SERPINA4: variants seen among roughly 807,000 people sequenced by gnomAD.
The protein encoded by SERPINA4 is serpin family A member 4, also known as kallistatin.
Under a neutral mutation model 25.4 loss-of-function variants are expected in SERPINA4, and 24 were observed. That is an observed-to-expected ratio of 0.95 (90% confidence interval 0.69 to 1.33). The LOEUF is 1.33. Ranked by LOEUF, SERPINA4 falls within the 40% of genes most tolerant of loss-of-function variation. SERPINA4 has a pLI of 0.00. For synonymous variants in SERPINA4, 242 were observed against 223.6 expected (o/e 1.08, Z -0.73); for missense variants, 553 against 535.8 (o/e 1.03, Z -0.32).
intron 4 of SERPINA4, 123 bp from the exon 5 acceptor site, chr14:94,569,272 C>A: frequency 1.2e-6 from 1 of 860,222 alleles, no homozygotes; most frequent in Non-Finnish European, 1.8e-6. Context: ...GTGTTATCCC[C>A]AAGAAATGGC....
chr14:94,565,356 A>G (rs924176547), intron 2 of SERPINA4, among the ~76,000 whole-genome samples: 12 of 152,180 alleles, frequency 7.9e-5, no homozygotes, highest in Non-Finnish European at 1.5e-5. Flanking sequence ...GAGTCTGACC[A>G]TCATCATATC....
chr14:94,568,368 A>C (rs1902287527), intron 4 of SERPINA4, 80 bp downstream of exon 4: 1 of 1,463,362 alleles, frequency 6.8e-7, no homozygotes. Context: ...TGGGGCTCCC[A>C]AGCTGCCACA....
intron 2 of SERPINA4, 67 bp from the exon 3 acceptor site, chr14:94,566,903 T>A: frequency 6.5e-7 from 1 of 1,532,620 alleles, no homozygotes; most frequent in Non-Finnish European, 8.8e-7. Context: ...CAGATGGCAT[T>A]CCCTGGCTGG....
At position 94,569,463 on chromosome 14, in the gene SERPINA4, G is replaced by A. The variant is rs769083861; in HGVS notation, c.1152G>A (p.Ala384=). 29 of 1,614,054 alleles carry A rather than the reference G, an allele frequency of 1.8e-5. No individual in the cohort carries two copies. Among genetic ancestry groups the A allele is most frequent in the African/African-American group, 2.7e-5 (2 of 74,918 alleles). ...GTEAAAATSF[A]IKFFSAQTNR... ...AGGCTGCAGCAGCCACCAGCTTCGC[G>A]ATCAAATTCTTCTCTGCCCAGACCA... The change falls in exon 5 of 5, where the codon GCG becomes GCA. Residue 384 remains alanine, a synonymous_variant. Transcript: ENST00000557004.
intron 1 of SERPINA4, chr14:94,561,840 G>A: frequency 7.8e-7 from 1 of 1,289,788 alleles, no homozygotes; most frequent in Non-Finnish European, 1.0e-6. Flanking sequence ...CCGGAGGGGA[G>A]GTGTGTCTGT....
chr14:94,562,890 G>C (rs902234033), intron 1 of SERPINA4, among the ~76,000 whole-genome samples: 4 of 152,134 alleles, frequency 2.6e-5, no homozygotes, highest in African/African-American at 9.7e-5. Flanking sequence ...ACAATACAAA[G>C]ACCAGTTCTA....
At position 94,563,581 on chromosome 14, in the gene SERPINA4, C is replaced by G. The variant is rs560979166; in HGVS notation, c.99C>G (p.Asn33Lys). 2.5e-6 allele frequency: 4 copies of G among 1,614,044 alleles called. No homozygotes were observed. In the African/African-American group the frequency reaches 5.3e-5, roughly 22 times the overall value. Residue 33 changes from asparagine (N) to lysine (K), a missense_variant, in exon 2 of 5, where the codon AAC becomes AAG. Physicochemically the swap from Asn to Lys is moderately conservative, Grantham distance 94 (BLOSUM62 0). Coordinates refer to ENST00000557004, the MANE Select transcript of SERPINA4 (RefSeq NM_006215.4). ...HVEHDGESCS[N>K]SSHQQILETG... Reference sequence around the variant, plus strand: ...AGCATGATGGTGAGAGTTGCAGTAACAGCTCCCACCAGCAGATTCTGGAGA... The same window carrying G: ...AGCATGATGGTGAGAGTTGCAGTAAGAGCTCCCACCAGCAGATTCTGGAGA...
rs929549664 is a variant in SERPINA4 at position 94,569,565 on chromosome 14, G to A, written c.1254G>A (p.Leu418=). The change falls in exon 5 of 5, where the codon CTG becomes CTA. Residue 418 remains leucine, a synonymous_variant. Transcript: ENST00000557004. ...CCAGCACCCAGAGTGTCCTCTTTCT[G>A]GGCAAGGTCGTCGACCCCACGAAAC... The part of the protein sequence containing the change: ...FSTSTQSVLF[L]GKVVDPTKP 2 of 1,614,024 alleles carry A rather than the reference G, an allele frequency of 1.2e-6. No individual in the cohort carries two copies. Among genetic ancestry groups the A allele is most frequent in the African/African-American group, 2.7e-5 (2 of 74,912 alleles).
intron 1 of SERPINA4, among the ~76,000 whole-genome samples, chr14:94,562,284 G>A (rs8012431): frequency 1.3e-3 from 191 of 152,278 alleles, no homozygotes; most frequent in Non-Finnish European, 1.9e-3. Context: ...ACTATCTGGC[G>A]CTTTGCAGAA....
rs968814704 is a variant in SERPINA4 at position 94,561,905 on chromosome 14, G to A, written c.-18+411G>A. 6.2e-6 allele frequency: 8 copies of A among 1,281,804 alleles called. No individual in the cohort carries two copies. The Admixed American group carries it at 1.2e-4, about 19-fold the overall frequency. 79.4% of individuals were successfully genotyped at this position (1,281,804 alleles called of 1,614,324 possible). A position where few individuals can be genotyped will look rare whatever the true frequency, so the allele number is the denominator to read the frequency against. On this transcript the variant is annotated intron_variant, in intron 1 of 4. Coordinates refer to ENST00000557004, the MANE Select transcript of SERPINA4 (RefSeq NM_006215.4). Reference sequence around the variant, plus strand: ...ATGATCCCTCCAACTGCTGAGTGGAGAACAGAGAGCAGAAAGACTAGGAAG... The same window carrying A: ...ATGATCCCTCCAACTGCTGAGTGGAAAACAGAGAGCAGAAAGACTAGGAAG...
At position 94,567,012 on chromosome 14, in the gene SERPINA4, A is replaced by G. The variant is rs778298076; in HGVS notation, c.692A>G (p.Lys231Arg). Residue 231 changes from lysine to arginine, a missense_variant, in exon 3 of 5, where the codon AAA (lysine) becomes AGA (arginine). Lys to Arg is a conservative substitution (Grantham distance 26). Coordinates refer to ENST00000557004, the MANE Select transcript of SERPINA4 (RefSeq NM_006215.4). The stretch of plus-strand genomic sequence containing the variant: ...TTCATTTCCTCAAGGACCACTCCCA[A>G]AGACTTCTATGTTGATGAGAACACA... The part of the protein sequence containing the change: ...KPFISSRTTP[K>R]DFYVDENTTV... 1.9e-6 allele frequency: 3 copies of G among 1,614,134 alleles called. No homozygotes were observed. The highest frequency in any genetic ancestry group is 1.1e-5 in the South Asian group (1 of 91,072).
At chr14:94,564,625 A>G (rs1489628229) in intron 2 of SERPINA4, among the ~76,000 whole-genome samples, 5 of 152,254 alleles carry the variant, frequency 3.3e-5, no homozygotes, top group Admixed American at 2.6e-4. Flanking sequence ...TTTTATTGGC[A>G]CACAGCCAGG....
chr14:94,563,623 C>G lies in SERPINA4; in HGVS notation c.141C>G (p.Pro47=). The G allele has an allele frequency of 1.2e-6, 2 of 1,613,938 alleles. No homozygotes were observed. Among genetic ancestry groups the G allele is most frequent in the African/African-American group, 1.3e-5 (1 of 75,070 alleles). The part of the protein sequence containing the change: ...QQILETGEGS[P]SLKIAPANAD... ...TTCTGGAGACAGGTGAGGGCTCCCC[C>G]AGCCTCAAGATAGCCCCTGCCAATG... is the stretch of plus-strand genomic sequence containing the variant. The change falls in exon 2 of 5, where the codon CCC becomes CCG. Residue 47 remains proline, a synonymous_variant. Coordinates refer to ENST00000557004, the MANE Select transcript of SERPINA4 (RefSeq NM_006215.4).
In SERPINA4 at chr14:94,561,467, G is replaced by C; in HGVS notation, c.-45G>C. ...AAGACAGAGCTGAGACAGCCACCCA[G>C]GGGGTCCACTCCAGGACAGACTGTG... On this transcript the variant is annotated 5_prime_UTR_variant, in exon 1 of 5. Transcript: ENST00000557004. The C allele has an allele frequency of 2.9e-6, 1 of 350,290 alleles. No individual in the cohort carries two copies. Among genetic ancestry groups the C allele is most frequent in the South Asian group, 2.6e-5 (1 of 38,838 alleles). 21.7% of individuals were successfully genotyped at this position (350,290 alleles called of 1,614,324 possible).
rs989173356 is a variant in SERPINA4, at chr14:94,569,667, T to C, written c.*72T>C. The C allele has an allele frequency of 4.0e-6, 6 of 1,514,682 alleles. No homozygotes were observed. The African/African-American group carries it at 8.3e-5, about 21-fold the overall frequency. 93.8% of individuals were successfully genotyped at this position (1,514,682 alleles called of 1,614,324 possible). A position where few individuals can be genotyped will look rare whatever the true frequency, so the allele number is the denominator to read the frequency against. On this transcript the variant is annotated 3_prime_UTR_variant, in exon 5 of 5. Transcript: ENST00000557004. The stretch of plus-strand genomic sequence containing the variant: ...GGAGGGCTGGGAGTGAGTAGCTCTG[T>C]GTTTAGAGTTGGGGACAAGGATGAC...
intron 4 of SERPINA4, among the ~76,000 whole-genome samples, chr14:94,568,936 G>A (rs550397021): frequency 4.6e-5 from 7 of 152,038 alleles, no homozygotes; most frequent in South Asian, 4.2e-4. Flanking sequence ...CATTGGGTGC[G>A]TCTGTATTAG....
intron 2 of SERPINA4, among the ~76,000 whole-genome samples, chr14:94,564,817 T>C (rs543882252): frequency 2.0e-4 from 30 of 152,374 alleles, no homozygotes; most frequent in African/African-American, 7.2e-4. Context: ...CATCTAATGA[T>C]AACAATGCTC....
chr14:94,564,760 G>C (rs773926683), intron 2 of SERPINA4, among the ~76,000 whole-genome samples: 6 of 152,224 alleles, frequency 3.9e-5, no homozygotes, highest in Non-Finnish European at 8.8e-5. Context: ...CTTTTGGTTT[G>C]TTGACCCCTG....
intron 3 of SERPINA4, among the ~76,000 whole-genome samples, chr14:94,567,533 G>C (rs147058132): frequency 2.6e-4 from 39 of 152,272 alleles, no homozygotes; most frequent in African/African-American, 9.1e-4. Flanking sequence ...CTTCCTCTCT[G>C]GGGGGTTACC....
Sources: gnomAD v4.1 joint callset for allele counts (sites outside exome capture counted in the v4.1 genomes callset) on GRCh38, gnomAD v4.1.1 for gene constraint, MANE v1.5 for transcripts, NCBI Gene and HGNC (gene_info 2026-07-23, HGNC 2026-07-21) for gene names.